GMDS: variants seen among roughly 807,000 people sequenced by gnomAD.
GMDS encodes the protein GDP-mannose 4,6-dehydratase.
A neutral mutation model predicts 49.9 loss-of-function variants in GMDS; 20 were observed. The observed-to-expected ratio is 0.40, with a 90% CI of 0.28 to 0.58. The LOEUF (loss-of-function observed/expected upper bound fraction) is 0.58. Ranked by LOEUF, GMDS falls within the 20% of genes least tolerant of loss-of-function variation. GMDS has a pLI of 0.42. For synonymous variants in GMDS, 177 were observed against 178.6 expected, an observed-to-expected ratio of 0.99 and a Z score of 0.07; for missense variants, 362 against 481.4, an observed-to-expected ratio of 0.75 and a Z score of 2.32.
chr6:1,843,343 A>C (rs1002117931), intron 7 of GMDS, among the ~76,000 whole-genome samples: 1 of 152,156 alleles, frequency 6.6e-6, no homozygotes, highest in Non-Finnish European at 1.5e-5. Context: ...CATGTGGATC[A>C]AAAGGAAATG....
intron 4 of GMDS, among the ~76,000 whole-genome samples, chr6:2,065,081 C>T (rs565148159): frequency 1.3e-5 from 2 of 152,052 alleles, no homozygotes; most frequent in Non-Finnish European, 2.9e-5. Context: ...GATCTGAGGA[C>T]AGGCAGACTG....
chr6:1,837,062 T>C (rs1342145675), intron 7 of GMDS, among the ~76,000 whole-genome samples: 1 of 152,234 alleles, frequency 6.6e-6, no homozygotes, highest in Non-Finnish European at 1.5e-5. Context: ...AAAGTTTAAT[T>C]TTCAGAATGT....
At chr6:1,787,720 A>G (rs926225958) in intron 7 of GMDS, among the ~76,000 whole-genome samples, 1 of 152,252 alleles carries the variant, frequency 6.6e-6, no homozygotes, top group Non-Finnish European at 1.5e-5. Flanking sequence ...CAGACTGCAG[A>G]GTAGAAACAA....
intron 6 of GMDS, among the ~76,000 whole-genome samples, chr6:1,935,263 T>C (rs1762469478): frequency 6.6e-6 from 1 of 152,168 alleles, no homozygotes. Flanking sequence ...TATTAACATT[T>C]GCCATGCCAA....
chr6:1,784,942 A>G (rs1475103139), intron 7 of GMDS, among the ~76,000 whole-genome samples: 1 of 152,250 alleles, frequency 6.6e-6, no homozygotes, highest in Non-Finnish European at 1.5e-5. Flanking sequence ...ATTACTATTC[A>G]TAAAATATGA....
At chr6:1,718,854 T>C (rs1331316175) in intron 9 of GMDS, among the ~76,000 whole-genome samples, 1 of 151,822 alleles carries the variant, frequency 6.6e-6, no homozygotes, top group Non-Finnish European at 1.5e-5. Flanking sequence ...AGAATTATAT[T>C]TTAAATGTGC....
intron 7 of GMDS, among the ~76,000 whole-genome samples, chr6:1,851,135 C>T (rs1402051480): frequency 6.6e-6 from 1 of 152,138 alleles, no homozygotes. Context: ...CGGGAATGTT[C>T]CATCCATCAA....
At chr6:1,749,036 G>A (rs918536531) in intron 7 of GMDS, among the ~76,000 whole-genome samples, 1 of 152,192 alleles carries the variant, frequency 6.6e-6, no homozygotes, top group Non-Finnish European at 1.5e-5. Context: ...GGGGGAACAG[G>A]AAAGTACACT....
intron 9 of GMDS, among the ~76,000 whole-genome samples, chr6:1,643,130 G>C (rs945009371): frequency 6.6e-6 from 1 of 152,172 alleles, no homozygotes; most frequent in African/African-American, 2.4e-5. Context: ...ACATCCTGTG[G>C]AGTTTGTGAA....
At chr6:1,688,978 C>T (rs1168474819) in intron 9 of GMDS, among the ~76,000 whole-genome samples, 7 of 152,184 alleles carry the variant, frequency 4.6e-5, no homozygotes, top group Non-Finnish European at 1.5e-5. Context: ...ATGATCATTA[C>T]TGTAGAGGTT....
intron 7 of GMDS, among the ~76,000 whole-genome samples, chr6:1,787,003 A>G (rs1769352170): frequency 6.6e-6 from 1 of 152,166 alleles, no homozygotes; most frequent in Non-Finnish European, 1.5e-5. Context: ...CCCATCAGCA[A>G]GCTCAGCCCC....
intron 7 of GMDS, among the ~76,000 whole-genome samples, chr6:1,859,126 C>A (rs914021753): frequency 1.3e-5 from 2 of 152,138 alleles, no homozygotes; most frequent in African/African-American, 4.8e-5. Flanking sequence ...GATTGACTAG[C>A]AAACTGTCTT....
At chr6:1,807,901 T>A (rs1770248792) in intron 7 of GMDS, among the ~76,000 whole-genome samples, 1 of 152,096 alleles carries the variant, frequency 6.6e-6, no homozygotes, top group South Asian at 2.1e-4. Flanking sequence ...CTGGACTTCA[T>A]GACAGATAAA....
intron 1 of GMDS, among the ~76,000 whole-genome samples, chr6:2,142,258 C>G (rs1253060867): frequency 6.6e-6 from 1 of 152,110 alleles, no homozygotes; most frequent in Non-Finnish European, 1.5e-5. Context: ...TGTTATAGGT[C>G]GAATTCTGTC....
intron 7 of GMDS, among the ~76,000 whole-genome samples, chr6:1,915,637 C>CAGAG (rs1381565169): frequency 6.6e-6 from 1 of 152,202 alleles, no homozygotes; most frequent in African/African-American, 2.4e-5. Context: ...ATGTGGGAGG[C>CAGAG]AGAGAGAGCA....
intron 4 of GMDS, among the ~76,000 whole-genome samples, chr6:2,103,976 G>T (rs903987477): frequency 2.6e-5 from 4 of 152,172 alleles, no homozygotes; most frequent in African/African-American, 9.7e-5. Flanking sequence ...CTAAAATGCT[G>T]ACATTTGAGC....
chr6:1,993,711 C>G (rs897404617), intron 4 of GMDS, among the ~76,000 whole-genome samples: 4 of 149,258 alleles, frequency 2.7e-5, no homozygotes, highest in African/African-American at 7.5e-5. Flanking sequence ...TACTCTCCAG[C>G]CCTCAATCTT....
intron 7 of GMDS, among the ~76,000 whole-genome samples, chr6:1,821,329 GGA>G (rs1489539960): frequency 6.6e-6 from 1 of 152,062 alleles, no homozygotes; most frequent in Non-Finnish European, 1.5e-5. Context: ...CCTTTTGAGC[GGA>G]GAGGCTGAAT....
At chr6:2,103,395 T>C (rs73716947) in intron 4 of GMDS, among the ~76,000 whole-genome samples, 1 of 152,206 alleles carries the variant, frequency 6.6e-6, no homozygotes, top group Non-Finnish European at 1.5e-5. Context: ...CAGATACTGC[T>C]TTTAAGCACG....
Sources: gnomAD v4.1 joint callset for allele counts (sites outside exome capture counted in the v4.1 genomes callset) on GRCh38, gnomAD v4.1.1 for gene constraint, MANE v1.5 for transcripts, NCBI Gene and HGNC (gene_info 2026-07-23, HGNC 2026-07-21) for gene names.